The following GOLGA4 variants were observed in gnomAD, a reference collection of about 807,000 sequenced individuals.
The protein encoded by GOLGA4 is golgin subfamily A member 4.
A neutral mutation model predicts 265.9 loss-of-function variants in GOLGA4; 169 were observed. The ratio of observed to expected loss-of-function variants is 0.64; its 90% CI spans 0.56 to 0.72. The LOEUF (loss-of-function observed/expected upper bound fraction) is 0.72. Among genes scored for constraint, GOLGA4 ranks in the 30% least tolerant of loss-of-function variants. The pLI is 0.00. For missense variants in GOLGA4, 2,482 were observed against 2,483.4 expected, an observed-to-expected ratio of 1.00 and a Z score of 0.01; for synonymous variants, 923 against 855.8, an observed-to-expected ratio of 1.08 and a Z score of -1.37.
At chr3:37,363,990 G>A (rs909681959) in intron 23 of GOLGA4, among the ~76,000 whole-genome samples, 2 of 152,166 alleles carry the variant, frequency 1.3e-5, no homozygotes, top group South Asian at 2.1e-4. Context: ...AGAAGATCTT[G>A]TTGGTGTCTT....
chr3:37,325,097 CAA>C lies in GOLGA4; in HGVS notation c.3212_3213del (p.Gln1071ArgfsTer15). 6.2e-7 allele frequency: 1 copy of C among 1,612,378 alleles called. No individual in the cohort carries two copies. The highest frequency in any genetic ancestry group is 8.5e-7 in the Non-Finnish European group (1 of 1,178,988). ...IHEIQLQEKEQEVAELKQKIL... is the reference protein window; with the variant it reads ...IHEIQLQEKEXEVAELKQKIL... ...TGAAATCCAATTACAGGAAAAAGAA[CAA>C]GAGGTAGCAGAACTGAAACAAAAGA... On this transcript the variant is annotated frameshift_variant, in exon 14 of 24. Coordinates refer to ENST00000361924, the MANE Select transcript of GOLGA4 (RefSeq NM_002078.5). LOFTEE classifies it high-confidence loss of function.
chr3:37,273,315 A>G (rs531574698), intron 2 of GOLGA4, among the ~76,000 whole-genome samples: 7 of 152,320 alleles, frequency 4.6e-5, no homozygotes, highest in African/African-American at 1.7e-4. Context: ...AATCTTTGCT[A>G]TTGAGTTCTG....
At chr3:37,277,283 C>T (rs1245699743) in intron 2 of GOLGA4, among the ~76,000 whole-genome samples, 1 of 152,050 alleles carries the variant, frequency 6.6e-6, no homozygotes, top group East Asian at 1.9e-4. Flanking sequence ...GTTTGGTTTT[C>T]CTGTTAATTT....
At chr3:37,362,686 A>G (rs1696403204) in intron 23 of GOLGA4, among the ~76,000 whole-genome samples, 1 of 140,266 alleles carries the variant, frequency 7.1e-6, no homozygotes, top group African/African-American at 2.7e-5. Flanking sequence ...TAAGGCACCT[A>G]TTTTTTTATT....
chr3:37,323,328 A>G (rs185460546), intron 13 of GOLGA4, among the ~76,000 whole-genome samples: 3 of 152,102 alleles, frequency 2.0e-5, no homozygotes, highest in Admixed American at 6.6e-5. Flanking sequence ...GGGCTTTGCC[A>G]TGTTGGTCAG....
At chr3:37,251,679 C>A (rs374816339) in intron 2 of GOLGA4, among the ~76,000 whole-genome samples, 195 bp downstream of exon 2, 41 of 137,480 alleles carry the variant, frequency 3.0e-4, no homozygotes, top group South Asian at 6.7e-4. Flanking sequence ...GTCTGTCTGT[C>A]TGTATGTATG....
intron 11 of GOLGA4, among the ~76,000 whole-genome samples, chr3:37,318,209 G>C (rs1484796251): frequency 6.6e-6 from 1 of 151,950 alleles, no homozygotes; most frequent in African/African-American, 2.4e-5. Context: ...CTTCTGATAT[G>C]CCATATTATC....
chr3:37,262,911 C>CT (rs1330834687), intron 2 of GOLGA4, among the ~76,000 whole-genome samples: 1 of 151,856 alleles, frequency 6.6e-6, no homozygotes, highest in East Asian at 1.9e-4. Context: ...TGAAAAAATC[C>CT]TATTGCCTGG....
chr3:37,302,103 G>C, intron 9 of GOLGA4, 82 bp from the exon 10 acceptor site: 1 of 1,261,306 alleles, frequency 7.9e-7, no homozygotes, highest in South Asian at 1.3e-5. Context: ...GCCTTTTTCT[G>C]CCTTTTAAAT....
intron 1 of GOLGA4, among the ~76,000 whole-genome samples, chr3:37,244,788 T>C (rs1203805631): frequency 2.6e-5 from 4 of 152,260 alleles, no homozygotes; most frequent in African/African-American, 9.6e-5. Flanking sequence ...GTTGCTTCTT[T>C]TCTCAAGTGC....
At chr3:37,347,041 T>C (rs2097058694) in intron 20 of GOLGA4, 152 bp from the exon 21 acceptor site, 2 of 433,772 alleles carry the variant, frequency 4.6e-6, no homozygotes, top group Non-Finnish European at 8.3e-6. Context: ...TTGGAATGTT[T>C]AGTGTGCATG....
chr3:37,353,567 G>A (rs976440560), intron 21 of GOLGA4, among the ~76,000 whole-genome samples: 3 of 151,982 alleles, frequency 2.0e-5, no homozygotes, highest in African/African-American at 7.3e-5. Flanking sequence ...TTTAACAACA[G>A]GGTCTTACTC....
intron 2 of GOLGA4, among the ~76,000 whole-genome samples, chr3:37,257,630 G>A (rs2096752451): frequency 1.3e-5 from 2 of 151,530 alleles, no homozygotes; most frequent in South Asian, 4.2e-4. Flanking sequence ...GAGGGGAGGG[G>A]AACAGATGTA....
At chr3:37,268,738 A>T (rs187822981) in intron 2 of GOLGA4, among the ~76,000 whole-genome samples, 44 of 152,218 alleles carry the variant, frequency 2.9e-4, no homozygotes, top group African/African-American at 1.0e-3. Flanking sequence ...TACCTGGCTA[A>T]CTTTTCTATT....
chr3:37,361,103 T>G, intron 22 of GOLGA4, 140 bp from the exon 23 acceptor site: 1 of 662,080 alleles, frequency 1.5e-6, no homozygotes, highest in Non-Finnish European at 2.8e-6. Flanking sequence ...TCCTTGCCTG[T>G]ACACCCTTGA....
At position 37,288,776 on chromosome 3, in the gene GOLGA4, C is replaced by A. The variant is rs540706747; in HGVS notation, c.526-459C>A. On this transcript the variant is annotated intron_variant, in intron 4 of 23. Coordinates refer to ENST00000361924, the MANE Select transcript of GOLGA4 (RefSeq NM_002078.5). ...TACAGGTGTGAGCCACTGCGCCCGG[C>A]TGGTTTTGTTTTTTTAAATATAGAC... Among the ~76,000 whole-genome samples, 12 of 152,168 alleles carry A rather than the reference C, an allele frequency of 7.9e-5. No homozygotes were observed. In the South Asian group the frequency reaches 2.3e-3, roughly 29 times the overall value.
At chr3:37,311,564 A>G (rs1047943687) in intron 10 of GOLGA4, among the ~76,000 whole-genome samples, 2 of 152,212 alleles carry the variant, frequency 1.3e-5, no homozygotes, top group East Asian at 1.9e-4. Flanking sequence ...TCAGGCTTAT[A>G]TATTCAAGTT....
intron 7 of GOLGA4, among the ~76,000 whole-genome samples, chr3:37,296,913 A>C (rs1332633271): frequency 6.6e-6 from 1 of 152,162 alleles, no homozygotes; most frequent in Non-Finnish European, 1.5e-5. Context: ...AGTCTGTAAC[A>C]CCACATTTTC....
Position 37,243,452 on chromosome 3 carries a change from C to CCT in GOLGA4, c.-98_-97dup. ...ACGGCGAGGCCCGGCCCCCGCTGTC[C>CCT]CTGGTGTAAAGAAGTCGCCGTAGCC... On this transcript the variant is annotated 5_prime_UTR_variant, in exon 1 of 24. An upstream open reading frame in the 5' UTR loses its in-frame stop. Coordinates refer to ENST00000361924, the MANE Select transcript of GOLGA4 (RefSeq NM_002078.5). 1 of 999,618 alleles carries CCT rather than the reference C, an allele frequency of 1.0e-6. No individual in the cohort carries two copies. The highest frequency in any genetic ancestry group is 1.6e-6 in the Non-Finnish European group (1 of 626,188). 61.9% of individuals were successfully genotyped at this position (999,618 alleles called of 1,614,324 possible). A position where few individuals can be genotyped will look rare whatever the true frequency, so the allele number is the denominator to read the frequency against.
Sources: gnomAD v4.1 joint callset for allele counts (sites outside exome capture counted in the v4.1 genomes callset) on GRCh38, gnomAD v4.1.1 for gene constraint, MANE v1.5 for transcripts, NCBI Gene and HGNC (gene_info 2026-07-23, HGNC 2026-07-21) for gene names.